The following SLC6A9 variants were observed in gnomAD, a reference collection of about 807,000 sequenced individuals.
SLC6A9 encodes the protein sodium- and chloride-dependent glycine transporter 1.
Under a neutral mutation model 70.9 loss-of-function variants are expected in SLC6A9, and 31 were observed. That is an observed-to-expected ratio of 0.44 (90% CI 0.33 to 0.59). The LOEUF is 0.59. Ranked by LOEUF, SLC6A9 falls within the 20% of genes least tolerant of loss-of-function variation. SLC6A9 has a pLI of 0.04. For missense variants in SLC6A9, 631 were observed against 845.2 expected (o/e 0.75, Z 3.14); for synonymous variants, 310 against 341.3 (o/e 0.91, Z 1.01).
chr1:44,004,000 ATT>A (rs879323623), intron 5 of SLC6A9, among the ~76,000 whole-genome samples: 7 of 144,960 alleles, frequency 4.8e-5, no homozygotes, highest in East Asian at 2.0e-4. Context: ...TGTTTGAAGG[ATT>A]TTTTTTTTTT....
intron 4 of SLC6A9, 58 bp downstream of exon 4, chr1:44,009,907 C>A: frequency 6.3e-7 from 1 of 1,587,052 alleles, no homozygotes; most frequent in South Asian, 1.1e-5. Context: ...TTGGCACGGC[C>A]CTCAGAGGCC....
chr1:44,008,295 C>T, intron 5 of SLC6A9, 58 bp downstream of exon 5: 1 of 1,561,994 alleles, frequency 6.4e-7, no homozygotes, highest in Non-Finnish European at 8.8e-7. Context: ...GATGGTTGCC[C>T]AGTGGGGACA....
rs1379450309 is a variant in SLC6A9 at position 44,001,599 on chromosome 1, A to C, written c.991T>G (p.Cys331Gly). ...AAGCCAGCATAGACGCTGGTGGCAC[A>C]GTTGGTGATGCTGATGATGACACTG... ...RDSVIISITNCATSVYAGFVI... is the reference protein window; with the variant it reads ...RDSVIISITNGATSVYAGFVI... Residue 331 changes from cysteine to glycine, a missense_variant, in exon 9 of 14, where the codon TGT becomes GGT. Transcript: ENST00000372310. 2 of 1,613,928 alleles carry C rather than the reference A, an allele frequency of 1.2e-6. No individual in the cohort carries two copies. The highest frequency in any genetic ancestry group is 1.7e-6 in the Non-Finnish European group (2 of 1,179,962).
chr1:44,004,232 G>A (rs2086230600), intron 5 of SLC6A9, among the ~76,000 whole-genome samples: 1 of 152,164 alleles, frequency 6.6e-6, no homozygotes, highest in Non-Finnish European at 1.5e-5. Flanking sequence ...CTGACCTCAG[G>A]TGACCCACCT....
At chr1:44,011,114 G>A (rs948789833) in intron 2 of SLC6A9, among the ~76,000 whole-genome samples, 3 of 152,202 alleles carry the variant, frequency 2.0e-5, no homozygotes, top group East Asian at 1.9e-4. Flanking sequence ...CCAGTGCCAG[G>A]TGCACAGCCC....
chr1:44,010,239 C>G (rs1290550051), intron 3 of SLC6A9, 143 bp from the exon 4 acceptor site: 1 of 744,828 alleles, frequency 1.3e-6, no homozygotes, highest in Non-Finnish European at 2.2e-6. Flanking sequence ...GGAGCCTGGG[C>G]TGAGGCACAC....
intron 12 of SLC6A9, among the ~76,000 whole-genome samples, chr1:43,999,689 G>T (rs2086016696): frequency 1.3e-5 from 2 of 152,244 alleles, no homozygotes; most frequent in South Asian, 4.2e-4. Flanking sequence ...AACCTACCGG[G>T]TAGAGGCCTC....
intron 1 of SLC6A9, among the ~76,000 whole-genome samples, chr1:44,030,758 TAGGG>T (rs2087096229): frequency 6.6e-6 from 1 of 151,982 alleles, no homozygotes; most frequent in Admixed American, 6.5e-5. Context: ...GGAGGGCAGA[TAGGG>T]AGGCAGGCCG....
chr1:44,010,113 G>C lies in SLC6A9; in HGVS notation c.188-17C>G. 4 of 1,613,258 alleles carry C rather than the reference G, an allele frequency of 2.5e-6. No homozygotes were observed. Among genetic ancestry groups the C allele is most frequent in the Non-Finnish European group, 3.4e-6 (4 of 1,179,442 alleles). On this transcript the variant is annotated splice_polypyrimidine_tract_variant and intron_variant, in intron 3 of 13. Transcript: ENST00000372310. ...TGAAGGCGCCTGGTAGGCAGGGAGA[G>C]GTCTGGCTCAGGAGTGGGCTTGGAG... is the stretch of plus-strand genomic sequence containing the variant.
chr1:44,026,544 A>C (rs1273124200), intron 1 of SLC6A9, among the ~76,000 whole-genome samples: 2 of 152,054 alleles, frequency 1.3e-5, no homozygotes, highest in Admixed American at 6.6e-5. Flanking sequence ...CTGTAGTCCC[A>C]GCTACTCGGG....
intron 1 of SLC6A9, among the ~76,000 whole-genome samples, chr1:44,026,410 G>A (rs1486791593): frequency 6.6e-6 from 1 of 152,182 alleles, no homozygotes; most frequent in African/African-American, 2.4e-5. Context: ...TGTAATCCCA[G>A]CACTTTGGGA....
chr1:44,001,017 C>A lies in SLC6A9; in HGVS notation c.1374G>T (p.Ala458=). The part of the protein sequence containing the change: ...IYWLLLMDNY[A]ASFSLVVISC... ...AGATGACCACCAAGGAGAAGCTGGC[C>A]GCATAGTTGTCCATCAGCAGCAGCC... Residue 458 remains alanine (A), a synonymous_variant, in exon 11 of 14, where the codon GCG becomes GCT. Coordinates refer to ENST00000372310, the MANE Select transcript of SLC6A9 (RefSeq NM_001024845.3). 1 of 1,580,474 alleles carries A rather than the reference C, an allele frequency of 6.3e-7. No individual in the cohort carries two copies. Among genetic ancestry groups the A allele is most frequent in the Non-Finnish European group, 8.6e-7 (1 of 1,161,434 alleles).
chr1:44,017,322 TG>T (rs2086785246), intron 2 of SLC6A9: 2 of 1,415,012 alleles, frequency 1.4e-6, no homozygotes, highest in African/African-American at 1.5e-5. Context: ...GTGGGGTGTG[TG>T]GGGTTTGTTG....
chr1:44,027,716 C>A (rs147375162), intron 1 of SLC6A9, among the ~76,000 whole-genome samples: 2,256 of 152,332 alleles, frequency 0.015, 63 homozygotes, highest in African/African-American at 0.053. Context: ...TGGCTCACGC[C>A]TGTAATCCTA....
chr1:43,998,406 G>A (rs919285065), intron 12 of SLC6A9, among the ~76,000 whole-genome samples: 15 of 152,120 alleles, frequency 9.9e-5, no homozygotes, highest in Admixed American at 7.2e-4. Flanking sequence ...TTGTCTTGCC[G>A]GCCACACTAC....
intron 1 of SLC6A9, among the ~76,000 whole-genome samples, chr1:44,027,521 G>A (rs764430490): frequency 7.9e-5 from 12 of 152,140 alleles, no homozygotes; most frequent in East Asian, 3.8e-4. Flanking sequence ...CTTAGCAGGC[G>A]TTTAAGGCTG....
intron 5 of SLC6A9, among the ~76,000 whole-genome samples, chr1:44,005,007 A>G (rs536146641): frequency 6.6e-5 from 10 of 152,358 alleles, no homozygotes; most frequent in African/African-American, 2.4e-4. Flanking sequence ...CTGAGCTCCT[A>G]TCAGCAGTCT....
At chr1:44,003,804 C>T (rs1322179472) in intron 5 of SLC6A9, among the ~76,000 whole-genome samples, 1 of 150,316 alleles carries the variant, frequency 6.7e-6, no homozygotes, top group East Asian at 2.0e-4. Flanking sequence ...CTCTGGGTGG[C>T]TCCATCTGGC....
chr1:43,997,627 A>T lies in SLC6A9; in HGVS notation c.1820T>A (p.Val607Asp), dbSNP rs1055844989. The T allele has an allele frequency of 6.2e-7, 1 of 1,613,644 alleles. No individual in the cohort carries two copies. Among genetic ancestry groups the T allele is most frequent in the Admixed American group, 1.7e-5 (1 of 59,990 alleles). The change falls in exon 14 of 14, where the codon GTC becomes GAC. Residue 607 changes from valine to aspartate, a missense_variant. Physicochemically the swap from Val to Asp is radical, Grantham distance 152 (BLOSUM62 -3). Coordinates refer to ENST00000372310, the MANE Select transcript of SLC6A9 (RefSeq NM_001024845.3). The surrounding 1 kb of genome is among the most constrained non-coding windows in gnomAD (Gnocchi z 4.4). ...IAPSPEDGFE[V>D]QPLHPDKAQI... ...CGCCTTGTCCGGGTGCAGTGGCTGGACCTCGAAGCCGTCCTCAGGAGAGGG... is the reference window on the plus strand; with the variant it reads ...CGCCTTGTCCGGGTGCAGTGGCTGGTCCTCGAAGCCGTCCTCAGGAGAGGG...
Sources: allele counts gnomAD v4.1 joint callset (sites outside exome capture counted in the v4.1 genomes callset), GRCh38; gene constraint gnomAD v4.1.1; non-coding constraint Gnocchi (gnomAD v3.1); transcripts MANE v1.5; gene names NCBI Gene and HGNC (gene_info 2026-07-23, HGNC 2026-07-21).